Variants in BMP3 observed in about 807,000 individuals in gnomAD.
BMP3 encodes the protein bone morphogenetic protein 3, also known as bone morphogenetic protein 3 (osteogenic).
A neutral mutation model predicts 38.1 loss-of-function variants in BMP3; 23 were observed. The ratio of observed to expected loss-of-function variants is 0.60; its 90% CI spans 0.43 to 0.86. The LOEUF (loss-of-function observed/expected upper bound fraction) is 0.86, where lower values mean the gene tolerates loss of function less well. Among genes scored for constraint, BMP3 ranks in the 40% least tolerant of loss-of-function variants. BMP3 has a pLI of 0.00. For missense variants in BMP3, 628 were observed against 579.6 expected (o/e 1.08, Z -0.86); for synonymous variants, 258 against 225.7 (o/e 1.14, Z -1.28).
intron 2 of BMP3, among the ~76,000 whole-genome samples, chr4:81,049,620 A>G (rs1740351136): frequency 6.6e-6 from 1 of 152,156 alleles, no homozygotes; most frequent in Non-Finnish European, 1.5e-5. Flanking sequence ...AAAGCTTTCT[A>G]GTGGTTCCCT....
At chr4:81,045,191 G>C (rs1010431132) in intron 1 of BMP3, among the ~76,000 whole-genome samples, 1 of 152,032 alleles carries the variant, frequency 6.6e-6, no homozygotes, top group Non-Finnish European at 1.5e-5. Flanking sequence ...GATTTTGATT[G>C]TGTTTCCCTG....
intron 2 of BMP3, 131 bp downstream of exon 2, chr4:81,046,779 C>A (rs1578298846): frequency 3.1e-6 from 3 of 982,816 alleles, no homozygotes; most frequent in East Asian, 4.9e-5. Context: ...CATTGGGACC[C>A]TTATTTACTA....
At chr4:81,032,655 A>G (rs1396105788) in intron 1 of BMP3, among the ~76,000 whole-genome samples, 1 of 152,264 alleles carries the variant, frequency 6.6e-6, no homozygotes, top group Non-Finnish European at 1.5e-5. Flanking sequence ...GCCTCAGTCA[A>G]TACTGTCAGA....
At chr4:81,047,346 C>T (rs756281371) in intron 2 of BMP3, among the ~76,000 whole-genome samples, 12 of 152,300 alleles carry the variant, frequency 7.9e-5, no homozygotes, top group Admixed American at 2.6e-4. Flanking sequence ...TATCAGTTCT[C>T]AGTCTCCTGA....
chr4:81,052,789 C>T (rs1208197507), intron 2 of BMP3, among the ~76,000 whole-genome samples: 1 of 152,160 alleles, frequency 6.6e-6, no homozygotes, highest in Non-Finnish European at 1.5e-5. Flanking sequence ...CAATACCCCT[C>T]TGACCTGCTT....
intron 2 of BMP3, among the ~76,000 whole-genome samples, chr4:81,051,466 G>T (rs1740398277): frequency 6.6e-6 from 1 of 152,046 alleles, no homozygotes; most frequent in African/African-American, 2.4e-5. Context: ...AATATTATAG[G>T]AGTCATTAAA....
In BMP3 at chr4:81,031,508, C is replaced by T. The variant is rs548380124; in HGVS notation, c.224C>T (p.Thr75Ile). The change falls in exon 1 of 3, where the codon ACA (threonine) becomes ATA (isoleucine). Residue 75 changes from threonine to isoleucine, a missense_variant. Coordinates refer to ENST00000282701, the MANE Select transcript of BMP3 (RefSeq NM_001201.5). ...TACAGCACGGTCCAGGCGGCCCGGACACCGGGCTCCCTGGAGGGAGGCTCG... is the reference window on the plus strand; with the variant it reads ...TACAGCACGGTCCAGGCGGCCCGGATACCGGGCTCCCTGGAGGGAGGCTCG... ...DRYSTVQAAR[T>I]PGSLEGGSQP... 6.2e-7 allele frequency: 1 copy of T among 1,612,850 alleles called. No homozygotes were observed. The highest frequency in any genetic ancestry group is 1.7e-5 in the Admixed American group (1 of 59,910).
intron 1 of BMP3, among the ~76,000 whole-genome samples, chr4:81,034,168 A>C (rs1168365614): frequency 6.6e-6 from 1 of 152,132 alleles, no homozygotes; most frequent in African/African-American, 2.4e-5. Context: ...TCCTAAATAC[A>C]CTTTCTGCTA....
At chr4:81,032,564 ATAAGGGGAAATG>A (rs1739809273) in intron 1 of BMP3, among the ~76,000 whole-genome samples, 1 of 152,230 alleles carries the variant, frequency 6.6e-6, no homozygotes, top group African/African-American at 2.4e-5. Flanking sequence ...TACATTCATG[ATAAGGGGAAATG>A]TAACTGCAAA....
intron 2 of BMP3, among the ~76,000 whole-genome samples, chr4:81,046,892 A>C (rs982021908): frequency 2.6e-5 from 4 of 152,316 alleles, no homozygotes; most frequent in Non-Finnish European, 4.4e-5. Flanking sequence ...TATGAGAAAA[A>C]AACATGTGTG....
chr4:81,053,436 A>G lies in BMP3; in HGVS notation c.1319A>G (p.Glu440Gly). The change falls in exon 3 of 3, where the codon GAA becomes GGA. Residue 440 changes from glutamate to glycine, a missense_variant. Glu to Gly is a moderately conservative substitution (Grantham distance 98). Coordinates refer to ENST00000282701, the MANE Select transcript of BMP3 (RefSeq NM_001201.5). ...ATTCCTGAGCCTTGCTGTGTACCAG[A>G]AAAGATGTCCTCACTCAGTATTTTA... ...PGIPEPCCVP[E>G]KMSSLSILFF... The G allele has an allele frequency of 6.2e-7, 1 of 1,611,672 alleles. No individual in the cohort carries two copies. The highest frequency in any genetic ancestry group is 1.1e-5 in the South Asian group (1 of 90,694).
chr4:81,044,705 A>G (rs1176561564), intron 1 of BMP3, among the ~76,000 whole-genome samples: 1 of 152,218 alleles, frequency 6.6e-6, no homozygotes, highest in African/African-American at 2.4e-5. Context: ...TGGATATTCC[A>G]TATAAATGGA....
At chr4:81,047,421 G>C (rs1740281266) in intron 2 of BMP3, among the ~76,000 whole-genome samples, 1 of 152,050 alleles carries the variant, frequency 6.6e-6, no homozygotes, top group African/African-American at 2.4e-5. Flanking sequence ...TCAAGTGACT[G>C]TTCTCTTTGA....
At chr4:81,040,453 T>C (rs13133972) in intron 1 of BMP3, among the ~76,000 whole-genome samples, 1 of 152,132 alleles carries the variant, frequency 6.6e-6, no homozygotes, top group South Asian at 2.1e-4. Flanking sequence ...AGTTTGAAAG[T>C]CATGACTTAT....
Position 81,046,491 on chromosome 4 carries a change from A to G in BMP3, c.1070A>G (p.Lys357Arg). 6.2e-7 allele frequency: 1 copy of G among 1,614,082 alleles called. No homozygotes were observed. Residue 357 changes from lysine (K) to arginine (R), a missense_variant, in exon 2 of 3, where the codon AAA becomes AGA. Lys to Arg is a conservative substitution (Grantham distance 26). Coordinates refer to ENST00000282701, the MANE Select transcript of BMP3 (RefSeq NM_001201.5). ...QTLQFDEQTL[K>R]KARRKQWIEP... ...CTCCAATTTGATGAGCAGACCCTGA[A>G]AAAGGCAAGGAGAAAGCAGTGGATT... is the stretch of plus-strand genomic sequence containing the variant.
chr4:81,031,663 C>T, intron 1 of BMP3, 63 bp downstream of exon 1: 7 of 1,472,002 alleles, frequency 4.8e-6, no homozygotes, highest in Non-Finnish European at 6.3e-6. Context: ...CGGGACCCCC[C>T]ACAGCTTCCT....
chr4:81,051,994 CT>C (rs905357310), intron 2 of BMP3, among the ~76,000 whole-genome samples: 4 of 150,886 alleles, frequency 2.7e-5, no homozygotes, highest in African/African-American at 4.9e-5. Context: ...AAAAATAATC[CT>C]TTTTTTCTTT....
At chr4:81,034,627 C>T (rs9307777) in intron 1 of BMP3, among the ~76,000 whole-genome samples, 152,057 of 152,246 alleles carry the variant, frequency 1, 75,935 homozygotes, top group Non-Finnish European at 1. Context: ...GACATGCACC[C>T]ACCAAAATAG....
intron 1 of BMP3, 26 bp downstream of exon 1, chr4:81,031,626 TC>T: frequency 6.5e-7 from 1 of 1,528,008 alleles, no homozygotes; most frequent in Non-Finnish European, 8.8e-7. Context: ...GAGACTCCCT[TC>T]CCGCGGTCCC....
Sources: allele counts gnomAD v4.1 joint callset (sites outside exome capture counted in the v4.1 genomes callset), GRCh38; gene constraint gnomAD v4.1.1; transcripts MANE v1.5; gene names NCBI Gene and HGNC (gene_info 2026-07-23, HGNC 2026-07-21).